CCSER1: variants seen among roughly 807,000 people sequenced by gnomAD.
CCSER1 encodes coiled-coil serine rich protein 1.
In CCSER1, 41 loss-of-function variants were observed where a neutral mutation model predicts 82.0. The ratio of observed to expected loss-of-function variants is 0.50; its 90% CI spans 0.39 to 0.65. CCSER1 has a LOEUF of 0.65. CCSER1 is among the 30% of genes least tolerant of loss of function. CCSER1 has a pLI of 0.00. For missense variants in CCSER1, 1,119 were observed against 1,064.2 expected (o/e 1.05, Z -0.72); for synonymous variants, 414 against 383.9 (o/e 1.08, Z -0.92).
intron 10 of CCSER1, among the ~76,000 whole-genome samples, chr4:91,385,842 A>T (rs1751250793): frequency 1.3e-5 from 2 of 151,920 alleles, no homozygotes; most frequent in Non-Finnish European, 2.9e-5. Context: ...GGCAAGGGAA[A>T]ACCCCATGAG....
intron 6 of CCSER1, among the ~76,000 whole-genome samples, chr4:90,705,228 T>C (rs1739084681): frequency 6.6e-6 from 1 of 152,240 alleles, no homozygotes. Flanking sequence ...TGGAGTTTGC[T>C]GGAAGTCCAC....
At chr4:90,425,621 C>G (rs1757417256) in intron 4 of CCSER1, among the ~76,000 whole-genome samples, 1 of 152,178 alleles carries the variant, frequency 6.6e-6, no homozygotes, top group Non-Finnish European at 1.5e-5. Flanking sequence ...AATAATCTAG[C>G]CTCTATCTCC....
chr4:90,556,722 G>A (rs1159768033), intron 5 of CCSER1, among the ~76,000 whole-genome samples: 1 of 151,624 alleles, frequency 6.6e-6, no homozygotes, highest in East Asian at 1.9e-4. Context: ...AGGTTTTCTT[G>A]TGGTTTATAG....
At chr4:90,656,074 C>A (rs1729644583) in intron 6 of CCSER1, among the ~76,000 whole-genome samples, 1 of 151,852 alleles carries the variant, frequency 6.6e-6, no homozygotes, top group Admixed American at 6.6e-5. Context: ...CTTCATCTTT[C>A]AGAGAAAGAA....
chr4:90,707,777 G>T (rs941532287), intron 6 of CCSER1, among the ~76,000 whole-genome samples: 1 of 152,010 alleles, frequency 6.6e-6, no homozygotes, highest in Non-Finnish European at 1.5e-5. Flanking sequence ...AATACAAGGA[G>T]GTAGGGATCA....
At chr4:90,231,463 G>A (rs1197942883) in intron 1 of CCSER1, among the ~76,000 whole-genome samples, 1 of 149,012 alleles carries the variant, frequency 6.7e-6, no homozygotes, top group Non-Finnish European at 1.5e-5. Flanking sequence ...GTATTGATGG[G>A]ACGTATCTCA....
chr4:90,130,289 C>T (rs1020672974), intron 1 of CCSER1, among the ~76,000 whole-genome samples: 2 of 152,082 alleles, frequency 1.3e-5, no homozygotes, highest in Admixed American at 6.5e-5. Context: ...CATGCTTGAG[C>T]GTAGAGTTAA....
intron 5 of CCSER1, among the ~76,000 whole-genome samples, chr4:90,485,444 A>C (rs1578735805): frequency 1.3e-5 from 2 of 152,152 alleles, no homozygotes. Flanking sequence ...GAAATGCAGA[A>C]ATCAACTGTA....
chr4:91,166,589 C>CTGATTTATAAGT (rs1187411891), intron 10 of CCSER1, among the ~76,000 whole-genome samples: 1 of 152,186 alleles, frequency 6.6e-6, no homozygotes, highest in African/African-American at 2.4e-5. Flanking sequence ...ATTGAGCATT[C>CTGATTTATAAGT]TGATTTATAA....
chr4:91,062,578 C>A (rs2148741006), intron 9 of CCSER1, among the ~76,000 whole-genome samples: 1 of 152,172 alleles, frequency 6.6e-6, no homozygotes, highest in East Asian at 1.9e-4. Flanking sequence ...CGTAGGTACA[C>A]CACATTAAAA....
chr4:91,302,556 G>T (rs1024929881), intron 10 of CCSER1, among the ~76,000 whole-genome samples: 1 of 151,956 alleles, frequency 6.6e-6, no homozygotes, highest in Non-Finnish European at 1.5e-5. Flanking sequence ...AATCAGATCA[G>T]ATAAGCCTTC....
At chr4:91,191,671 G>A (rs1409710438) in intron 10 of CCSER1, among the ~76,000 whole-genome samples, 2 of 152,118 alleles carry the variant, frequency 1.3e-5, no homozygotes, top group Non-Finnish European at 2.9e-5. Context: ...GAAATTCAGG[G>A]GCAGCTGTGA....
chr4:91,001,258 C>A (rs905155171), intron 9 of CCSER1, among the ~76,000 whole-genome samples: 8 of 152,020 alleles, frequency 5.3e-5, no homozygotes, highest in African/African-American at 1.9e-4. Context: ...GGAATGAAGC[C>A]TACTTGATCA....
rs544815936 is a variant in CCSER1, at chr4:91,254,827, C to T, written c.2217+168833C>T. ...ATAATTTAAAAATCATTTCTATTTT[C>T]TAATAATTTCAATATTTGACTGGAA... On this transcript the variant is annotated intron_variant, in intron 10 of 10. Coordinates refer to ENST00000509176, the MANE Select transcript of CCSER1 (RefSeq NM_001145065.2). 8.0e-4 allele frequency among the ~76,000 whole-genome samples: 122 copies of T among 152,022 alleles called. 2 individuals are homozygous for T. The highest frequency in any genetic ancestry group is 2.8e-3 in the African/African-American group (116 of 41,484).
intron 6 of CCSER1, among the ~76,000 whole-genome samples, chr4:90,657,958 C>T (rs1369197748): frequency 6.6e-6 from 1 of 152,112 alleles, no homozygotes; most frequent in African/African-American, 2.4e-5. Flanking sequence ...CAAAAGTTAG[C>T]TGGGCATGGT....
chr4:90,835,530 T>C (rs934108149), intron 8 of CCSER1, among the ~76,000 whole-genome samples: 4 of 152,164 alleles, frequency 2.6e-5, no homozygotes, highest in African/African-American at 7.2e-5. Flanking sequence ...GGCTCTAATC[T>C]CAGTTCAGCT....
intron 6 of CCSER1, among the ~76,000 whole-genome samples, chr4:90,635,816 A>G (rs575578304): frequency 3.2e-4 from 49 of 152,022 alleles, no homozygotes; most frequent in Non-Finnish European, 5.8e-4. Flanking sequence ...GGTGATGTAT[A>G]TAGCAATTAC....
At chr4:90,914,715 GA>G (rs61366146) in intron 8 of CCSER1, among the ~76,000 whole-genome samples, 2,311 of 128,630 alleles carry the variant, frequency 0.018, 53 homozygotes, top group African/African-American at 0.058. Flanking sequence ...GCTTTTTATT[GA>G]AAAAAAAAAA....
chr4:91,596,160 A>T (rs776207922), intron 10 of CCSER1, among the ~76,000 whole-genome samples: 5 of 152,024 alleles, frequency 3.3e-5, no homozygotes, highest in Admixed American at 6.6e-5. Context: ...TGCCTGTGTG[A>T]CTGAATTATT....
Sources: allele counts gnomAD v4.1 joint callset (sites outside exome capture counted in the v4.1 genomes callset), GRCh38; gene constraint gnomAD v4.1.1; transcripts MANE v1.5; gene names NCBI Gene and HGNC (gene_info 2026-07-23, HGNC 2026-07-21).